The following PTPN11 variants were observed in gnomAD, a reference collection of about 807,000 sequenced individuals.
PTPN11 encodes the protein tyrosine-protein phosphatase non-receptor type 11.
PTPN11 carries 6 observed loss-of-function variants against 78.8 expected under a neutral mutation model. The ratio of observed to expected loss-of-function variants is 0.08; its 90% CI spans 0.04 to 0.15. The LOEUF is 0.15. PTPN11 is among the 10% of genes least tolerant of loss of function. The pLI is 1.00. For synonymous variants in PTPN11, 221 were observed against 263.5 expected (o/e 0.84, Z 1.56); for missense variants, 386 against 744.8 (o/e 0.52, Z 5.61).
intron 5 of PTPN11, 38 bp from the exon 6 acceptor site, chr12:112,455,912 A>G (rs2038152916): frequency 6.1e-6 from 7 of 1,142,082 alleles, no homozygotes; most frequent in Non-Finnish European, 9.0e-6. Flanking sequence ...TTTCTGTAAT[A>G]TTTTCTTTAT....
At chr12:112,428,396 C>CTTTTTTTTTTTTT (rs11312766) in intron 1 of PTPN11, among the ~76,000 whole-genome samples, 1 of 84,466 alleles carries the variant, frequency 1.2e-5, no homozygotes, top group African/African-American at 4.3e-5. Flanking sequence ...TGTGTGTTGT[C>CTTTTTTTTTTTTT]TTTTTTTTTT....
At chr12:112,484,733 G>A (rs2038647602) in intron 10 of PTPN11, among the ~76,000 whole-genome samples, 1 of 152,002 alleles carries the variant, frequency 6.6e-6, no homozygotes, top group African/African-American at 2.4e-5. Context: ...GTGGAAATGG[G>A]AGAAAGGGCT....
chr12:112,488,389 T>C (rs2135914741), intron 11 of PTPN11, 54 bp from the exon 12 acceptor site: 2 of 1,443,866 alleles, frequency 1.4e-6, no homozygotes, highest in Middle Eastern at 1.8e-4. Context: ...GTTTTGAGTC[T>C]GAAACCCCCA....
chr12:112,475,588 G>T (rs986533623), intron 7 of PTPN11, among the ~76,000 whole-genome samples: 3 of 152,084 alleles, frequency 2.0e-5, no homozygotes, highest in African/African-American at 4.8e-5. Context: ...TACAAATAAG[G>T]CTTGCTTGCC....
At chr12:112,505,268 C>T (rs1374476674) in intron 15 of PTPN11, among the ~76,000 whole-genome samples, 1 of 152,202 alleles carries the variant, frequency 6.6e-6, no homozygotes. Flanking sequence ...TCACCGACAT[C>T]CCTTCCAGCT....
At chr12:112,427,281 T>A (rs953307897) in intron 1 of PTPN11, among the ~76,000 whole-genome samples, 1 of 151,176 alleles carries the variant, frequency 6.6e-6, no homozygotes, top group African/African-American at 2.4e-5. Flanking sequence ...GCGTGGTGGC[T>A]CACACCTGTA....
chr12:112,471,681 A>C (rs891941280), intron 6 of PTPN11, among the ~76,000 whole-genome samples: 2 of 151,614 alleles, frequency 1.3e-5, no homozygotes, highest in Non-Finnish European at 2.9e-5. Context: ...GAAAAAAAAA[A>C]CAAGAAAAGG....
At chr12:112,474,224 C>T (rs1566179285) in intron 7 of PTPN11, among the ~76,000 whole-genome samples, 2 of 152,068 alleles carry the variant, frequency 1.3e-5, no homozygotes, top group Non-Finnish European at 2.9e-5. Context: ...GTGGTGGATG[C>T]CTGTAATCCC....
chr12:112,434,863 T>G (rs1026244908), intron 1 of PTPN11, among the ~76,000 whole-genome samples: 1 of 151,934 alleles, frequency 6.6e-6, no homozygotes, highest in Admixed American at 6.6e-5. Context: ...CTTGACCCAC[T>G]GCAACCTTCA....
intron 13 of PTPN11, among the ~76,000 whole-genome samples, chr12:112,496,256 C>T (rs1439654294): frequency 6.6e-6 from 1 of 152,092 alleles, no homozygotes; most frequent in Non-Finnish European, 1.5e-5. Context: ...TGACATGTCC[C>T]CACCCTCTCG....
intron 4 of PTPN11, among the ~76,000 whole-genome samples, chr12:112,453,871 A>C (rs1424509518): frequency 6.6e-6 from 1 of 151,698 alleles, no homozygotes; most frequent in Non-Finnish European, 1.5e-5. Context: ...TGTGGTCTTG[A>C]ACTAGTGCTC....
chr12:112,459,393 C>CTTTTT (rs1566172026), intron 6 of PTPN11, among the ~76,000 whole-genome samples: 1 of 151,994 alleles, frequency 6.6e-6, no homozygotes. Flanking sequence ...CGACTCTGCC[C>CTTTTT]CACTCACTTC....
At chr12:112,449,224 C>T (rs950758502) in intron 2 of PTPN11, among the ~76,000 whole-genome samples, 3 of 149,578 alleles carry the variant, frequency 2.0e-5, no homozygotes, top group Non-Finnish European at 3.0e-5. Flanking sequence ...GCATAGTGGC[C>T]GGGCACAGTG....
intron 6 of PTPN11, among the ~76,000 whole-genome samples, chr12:112,465,803 C>T (rs992100747): frequency 3.3e-5 from 5 of 152,150 alleles, no homozygotes; most frequent in African/African-American, 1.2e-4. Context: ...CATCTCTAGT[C>T]CAAAGAACAA....
Position 112,454,164 on chromosome 12 carries a change from C to G in PTPN11, c.526-400C>G, listed in dbSNP as rs575617209. Among the ~76,000 whole-genome samples, 3 of 152,194 alleles carry G rather than the reference C, an allele frequency of 2.0e-5. No homozygotes were observed. In the South Asian group the frequency reaches 6.2e-4, roughly 32 times the overall value. On this transcript the variant is annotated intron_variant, in intron 4 of 15. Transcript: ENST00000351677. Reference sequence around the variant, plus strand: ...CTTTTTTTTGAGACAGAGTCTCCCTCTGTCTCCCAGGCTGAAGCACAGTTG... The same window carrying G: ...CTTTTTTTTGAGACAGAGTCTCCCTGTGTCTCCCAGGCTGAAGCACAGTTG...
At chr12:112,472,793 G>A (rs1334703164) in intron 6 of PTPN11, 151 bp from the exon 7 acceptor site, 2 of 767,644 alleles carry the variant, frequency 2.6e-6, no homozygotes, top group Non-Finnish European at 4.6e-6. Context: ...AAGCCATCAC[G>A]CCTGACCCAG....
intron 3 of PTPN11, among the ~76,000 whole-genome samples, chr12:112,451,616 G>T (rs973293625): frequency 4.6e-5 from 7 of 152,140 alleles, no homozygotes; most frequent in African/African-American, 1.7e-4. Context: ...GCTGGTTGTG[G>T]AGCCTGGGAA....
intron 6 of PTPN11, among the ~76,000 whole-genome samples, chr12:112,467,472 G>A (rs559005314): frequency 6.6e-6 from 1 of 152,046 alleles, no homozygotes; most frequent in East Asian, 1.9e-4. Context: ...TGGCAAGGGT[G>A]GGGTGGGAGC....
chr12:112,487,701 T>G (rs1238524728), intron 11 of PTPN11, among the ~76,000 whole-genome samples: 2 of 152,236 alleles, frequency 1.3e-5, no homozygotes, highest in South Asian at 2.1e-4. Flanking sequence ...TACCATTTAT[T>G]GAGCCAGCCT....
Sources: gnomAD v4.1 joint callset for allele counts (sites outside exome capture counted in the v4.1 genomes callset) on GRCh38, gnomAD v4.1.1 for gene constraint, MANE v1.5 for transcripts, NCBI Gene and HGNC (gene_info 2026-07-23, HGNC 2026-07-21) for gene names.